TLCD4: variants seen among roughly 807,000 people sequenced by gnomAD.
The protein encoded by TLCD4 is TLC domain-containing protein 4.
Under a neutral mutation model 24.2 loss-of-function variants are expected in TLCD4, and 7 were observed. That is an observed-to-expected ratio of 0.29 (90% confidence interval 0.16 to 0.54). The LOEUF is 0.54. Among genes scored for constraint, TLCD4 ranks in the 20% least tolerant of loss-of-function variants. TLCD4 has a pLI of 0.95. For missense variants in TLCD4, 259 were observed against 313.9 expected (o/e 0.82, Z 1.32); for synonymous variants, 103 against 106.4 (o/e 0.97, Z 0.20).
rs574819094 is a variant in TLCD4 at position 95,153,632 on chromosome 1, C to T, written c.399+2213C>T. Reference sequence around the variant, plus strand: ...GAGGAGGCCTGGTATCCAATTCACACGTAGTTTGCCCAGTCAGACCACATC... The same window carrying T: ...GAGGAGGCCTGGTATCCAATTCACATGTAGTTTGCCCAGTCAGACCACATC... On this transcript the variant is annotated intron_variant, in intron 5 of 6. Transcript: ENST00000370203. Among the ~76,000 whole-genome samples, 10 of 152,232 alleles carry T rather than the reference C, an allele frequency of 6.6e-5. No homozygotes were observed. In the South Asian group the frequency reaches 1.0e-3, roughly 16 times the overall value.
At chr1:95,103,344 A>G in the TLCD4 span, among the ~76,000 whole-genome samples, 1 of 152,100 alleles carries the variant, frequency 6.6e-6, no homozygotes, top group African/African-American at 2.4e-5. Flanking sequence ...TGTTTCTTCA[A>G]CTCCTATGTA....
chr1:95,191,116 G>T (rs1446218365), intron 6 of TLCD4, among the ~76,000 whole-genome samples: 1 of 151,954 alleles, frequency 6.6e-6, no homozygotes, highest in Non-Finnish European at 1.5e-5. Flanking sequence ...TTACATTTAG[G>T]TCTATGATCC....
At chr1:95,143,863 A>G in intron 1 of TLCD4, 28 bp from the exon 2 acceptor site, 1 of 1,337,614 alleles carries the variant, frequency 7.5e-7, no homozygotes, top group Non-Finnish European at 9.7e-7. Flanking sequence ...ATGAGACAAC[A>G]ATTTATAGCT....
At chr1:95,140,096 T>G (rs151033637) in intron 1 of TLCD4, among the ~76,000 whole-genome samples, 1 of 152,166 alleles carries the variant, frequency 6.6e-6, no homozygotes, top group Admixed American at 6.5e-5. Context: ...TACAGTTAAT[T>G]GTGTGTGTGG....
intron 6 of TLCD4, among the ~76,000 whole-genome samples, chr1:95,176,747 C>T (rs973793605): frequency 3.3e-5 from 5 of 152,122 alleles, no homozygotes; most frequent in African/African-American, 9.7e-5. Context: ...AGCCTTCCCC[C>T]TATATTTCTT....
the TLCD4 span, among the ~76,000 whole-genome samples, chr1:95,100,052 A>G: frequency 6.6e-6 from 1 of 151,992 alleles, no homozygotes; most frequent in Non-Finnish European, 1.5e-5. Context: ...AGGTGGGAGG[A>G]TCGCTTGAGC....
intron 5 of TLCD4, among the ~76,000 whole-genome samples, chr1:95,167,365 G>A (rs1034555560): frequency 6.6e-6 from 1 of 152,058 alleles, no homozygotes; most frequent in Non-Finnish European, 1.5e-5. Flanking sequence ...CTCAAATAGA[G>A]GAAGTTTTAA....
At chr1:95,161,587 T>C (rs1677809908) in intron 5 of TLCD4, among the ~76,000 whole-genome samples, 3 of 152,222 alleles carry the variant, frequency 2.0e-5, no homozygotes, top group Admixed American at 2.0e-4. Flanking sequence ...CTTTTAATTG[T>C]GATGTTAGGG....
intron 1 of TLCD4, among the ~76,000 whole-genome samples, chr1:95,131,083 A>G (rs1048467744): frequency 6.6e-6 from 1 of 152,226 alleles, no homozygotes; most frequent in African/African-American, 2.4e-5. Context: ...TTGAGCATAA[A>G]TTACATGGAA....
chr1:95,151,243 G>T, intron 4 of TLCD4, 82 bp from the exon 5 acceptor site: 1 of 1,383,654 alleles, frequency 7.2e-7, no homozygotes, highest in East Asian at 2.4e-5. Flanking sequence ...TGATGAGTTG[G>T]CAGGAGAAAG....
rs1257336387 is a variant in TLCD4 at position 95,133,171 on chromosome 1, G to A, written c.-11-10720G>A. Among the ~76,000 whole-genome samples, 6 of 152,242 alleles carry A rather than the reference G, an allele frequency of 3.9e-5. No homozygotes were observed. In the South Asian group the frequency reaches 1.0e-3, roughly 26 times the overall value. Reference sequence around the variant, plus strand: ...TGATTTTTGTTTTTGCTGAGAACTTGAGCCTGTTTAAGAGCCAATAGACCC... The same window carrying A: ...TGATTTTTGTTTTTGCTGAGAACTTAAGCCTGTTTAAGAGCCAATAGACCC... On this transcript the variant is annotated intron_variant, in intron 1 of 6. Transcript: ENST00000370203.
intron 5 of TLCD4, among the ~76,000 whole-genome samples, chr1:95,167,446 T>C (rs7366061): frequency 0.98 from 149,554 of 152,232 alleles, 73,513 homozygotes; most frequent in Non-Finnish European, 1. Context: ...TGTTGGGAAA[T>C]GCTGAGTGTT....
At position 95,141,864 on chromosome 1, in the gene TLCD4, A is replaced by G. The variant is rs531620871; in HGVS notation, c.-11-2027A>G. 5.6e-5 allele frequency among the ~76,000 whole-genome samples: 6 copies of G among 106,890 alleles called. No individual in the cohort carries two copies. The South Asian group carries it at 1.6e-3, about 29-fold the overall frequency. The allele number at this position is 106,890 out of a possible 152,430, so 70.1% of individuals were successfully genotyped here. On this transcript the variant is annotated intron_variant, in intron 1 of 6. Coordinates refer to ENST00000370203, the MANE Select transcript of TLCD4 (RefSeq NM_152487.3). ...TGAGGAAAGAATTCATTATAGACAT[A>G]TGAATTCTGATGGAAGGGGCCCTGT...
intron 5 of TLCD4, among the ~76,000 whole-genome samples, chr1:95,157,146 A>G (rs1440643082): frequency 6.6e-6 from 1 of 152,148 alleles, no homozygotes; most frequent in African/African-American, 2.4e-5. Context: ...TTATTTGAGG[A>G]TTAGGAAACA....
At chr1:95,168,767 T>C (rs959700860) in intron 5 of TLCD4, among the ~76,000 whole-genome samples, 1 of 152,126 alleles carries the variant, frequency 6.6e-6, no homozygotes, top group Admixed American at 6.5e-5. Flanking sequence ...TGTGCTTGTT[T>C]AACAGCACTG....
chr1:95,191,718 A>G lies in TLCD4; in HGVS notation c.642A>G (p.Leu214=). Residue 214 remains leucine (L), a synonymous_variant, in exon 7 of 7, where the codon TTA becomes TTG. Coordinates refer to ENST00000370203, the MANE Select transcript of TLCD4 (RefSeq NM_152487.3). ...GTEPYIRLGV[L]IQLSWVISCV... is the part of the protein sequence containing the mutation. ...AACCCTACATAAGGCTTGGAGTTTT[A>G]ATCCAGTTATCCTGGGTCATTAGTT... The G allele has an allele frequency of 1.9e-6, 3 of 1,614,160 alleles. No homozygotes were observed. The highest frequency in any genetic ancestry group is 1.7e-5 in the Admixed American group (1 of 60,024).
At chr1:95,142,137 T>TC (rs892129406) in intron 1 of TLCD4, among the ~76,000 whole-genome samples, 18 of 150,660 alleles carry the variant, frequency 1.2e-4, no homozygotes, top group African/African-American at 4.2e-4. Flanking sequence ...TGCCTTTTTT[T>TC]TTTTTTTTTT....
intron 4 of TLCD4, among the ~76,000 whole-genome samples, chr1:95,150,938 T>C (rs1401616976): frequency 6.6e-6 from 1 of 152,164 alleles, no homozygotes; most frequent in Non-Finnish European, 1.5e-5. Context: ...AAACAAGTTA[T>C]TCATTTATGC....
Position 95,173,895 on chromosome 1 carries a change from T to C in TLCD4, c.473+6T>C. The stretch of plus-strand genomic sequence containing the variant: ...AGCCCGTTTGTGAATCAGCGGTATG[T>C]TACTGATATCATTGATTATTTTAAA... On this transcript the variant is annotated splice_donor_region_variant and intron_variant, in intron 6 of 6. Transcript: ENST00000370203. 6.2e-7 allele frequency: 1 copy of C among 1,613,966 alleles called. No homozygotes were observed. Among genetic ancestry groups the C allele is most frequent in the Non-Finnish European group, 8.5e-7 (1 of 1,179,986 alleles).
Sources: gnomAD v4.1 joint callset for allele counts (sites outside exome capture counted in the v4.1 genomes callset) on GRCh38, gnomAD v4.1.1 for gene constraint, MANE v1.5 for transcripts, NCBI Gene and HGNC (gene_info 2026-07-23, HGNC 2026-07-21) for gene names.